Variants in KLF8 observed in about 807,000 individuals in gnomAD.
The protein encoded by KLF8 is KLF transcription factor 8, also known as Krueppel-like factor 8.
A neutral mutation model predicts 18.2 loss-of-function variants in KLF8; 10 were observed. That is an observed-to-expected ratio of 0.55 (90% confidence interval 0.34 to 0.93). The LOEUF (loss-of-function observed/expected upper bound fraction) is 0.93, where lower values mean the gene tolerates loss of function less well. KLF8 is among the 40% of genes least tolerant of loss of function. The pLI is 0.02. For missense variants in KLF8, 264 were observed against 277.9 expected (o/e 0.95, Z 0.36); for synonymous variants, 109 against 97.3 (o/e 1.12, Z -0.71).
chrX:56,034,234 G>A, the KLF8 span, among the ~76,000 whole-genome samples: 5 of 111,977 alleles, frequency 4.5e-5, no homozygotes, highest in Non-Finnish European at 9.4e-5. Context: ...TCGGCATATG[G>A]ATATTCAGTT....
At chrX:56,185,183 G>A in the KLF8 span, among the ~76,000 whole-genome samples, 5 of 112,269 alleles carry the variant, frequency 4.5e-5, no homozygotes, top group African/African-American at 1.3e-4. Flanking sequence ...GGTTAAAGCA[G>A]CGGATGGAGC....
chrX:55,989,232 A>G, the KLF8 span, among the ~76,000 whole-genome samples: 1 of 111,839 alleles, frequency 8.9e-6, no homozygotes, highest in Admixed American at 9.5e-5. Context: ...AGAACTTCCA[A>G]CACTGTGTTG....
chrX:56,191,192 T>C, the KLF8 span, among the ~76,000 whole-genome samples: 3 of 111,556 alleles, frequency 2.7e-5, no homozygotes, highest in African/African-American at 9.8e-5. Flanking sequence ...TATATGCCAA[T>C]AAATTAGAAA....
chrX:55,908,275 A>C, the KLF8 span: 1 of 268,530 alleles, frequency 3.7e-6, no homozygotes, highest in Non-Finnish European at 6.6e-6. Context: ...CAGCTTCATA[A>C]ATCCAGCAGA....
intron 2 of KLF8, among the ~76,000 whole-genome samples, chrX:56,256,922 C>T (rs1357184163): frequency 1.8e-5 from 2 of 111,722 alleles, no homozygotes; most frequent in African/African-American, 3.3e-5. Flanking sequence ...AGGCTGGTCT[C>T]GAACTCCCAA....
the KLF8 span, among the ~76,000 whole-genome samples, chrX:56,114,013 G>A: frequency 8.9e-6 from 1 of 111,869 alleles, no homozygotes; most frequent in Non-Finnish European, 1.9e-5. Context: ...TACCCCCAGG[G>A]GCTCTGTCCC....
At chrX:56,137,293 G>C in the KLF8 span, among the ~76,000 whole-genome samples, 1 of 108,830 alleles carries the variant, frequency 9.2e-6, no homozygotes, top group East Asian at 2.9e-4. Flanking sequence ...CTGCTATAAA[G>C]ACACATGCAC....
At chrX:56,194,884 C>T in the KLF8 span, among the ~76,000 whole-genome samples, 2 of 112,361 alleles carry the variant, frequency 1.8e-5, no homozygotes, top group African/African-American at 6.5e-5. Context: ...GCAATATTTG[C>T]TGTTCTGCAA....
chrX:56,058,054 C>T, the KLF8 span, among the ~76,000 whole-genome samples: 2 of 101,998 alleles, frequency 2.0e-5, no homozygotes, highest in African/African-American at 3.6e-5. Flanking sequence ...CCGCTTCCTC[C>T]GTCTTGCTAG....
the KLF8 span, among the ~76,000 whole-genome samples, chrX:56,177,898 G>A: frequency 1.8e-5 from 2 of 111,739 alleles, no homozygotes; most frequent in African/African-American, 3.3e-5. Context: ...GTCCCTCCAA[G>A]CCAGGTGCCA....
chrX:56,039,386 A>G, the KLF8 span, among the ~76,000 whole-genome samples: 1 of 111,403 alleles, frequency 9.0e-6, no homozygotes, highest in African/African-American at 3.3e-5. Context: ...TAATTTTTGT[A>G]TATGGTGTAA....
At chrX:56,016,259 A>G in the KLF8 span, among the ~76,000 whole-genome samples, 1 of 112,312 alleles carries the variant, frequency 8.9e-6, no homozygotes, top group Admixed American at 9.5e-5. Context: ...TATGTGAAGT[A>G]TATAATATAG....
chrX:56,033,995 C>T, the KLF8 span, among the ~76,000 whole-genome samples: 3 of 112,139 alleles, frequency 2.7e-5, no homozygotes, highest in Admixed American at 9.4e-5. Context: ...GTTTCCTTTG[C>T]GTTACAAAAT....
At chrX:56,105,338 T>G in the KLF8 span, among the ~76,000 whole-genome samples, 1 of 111,426 alleles carries the variant, frequency 9.0e-6, no homozygotes, top group Non-Finnish European at 1.9e-5. Context: ...ATTATTATTG[T>G]GTGGAAGTCT....
chrX:56,182,021 G>T, the KLF8 span, among the ~76,000 whole-genome samples: 1 of 111,764 alleles, frequency 8.9e-6, no homozygotes, highest in Non-Finnish European at 1.9e-5. Context: ...TTGCTAGGTT[G>T]AGGAAGTTCT....
chrX:55,927,654 T>G, the KLF8 span, among the ~76,000 whole-genome samples: 1 of 112,557 alleles, frequency 8.9e-6, no homozygotes, highest in Admixed American at 9.4e-5. Context: ...CATATTTCCT[T>G]TCTAAAAGAT....
At chrX:56,197,832 A>C in the KLF8 span, among the ~76,000 whole-genome samples, 65 of 112,099 alleles carry the variant, frequency 5.8e-4, 2 homozygotes, top group South Asian at 0.022. Context: ...CGATGCAAAA[A>C]TCCTCAATAA....
chrX:56,020,405 A>T, the KLF8 span, among the ~76,000 whole-genome samples: 5 of 112,336 alleles, frequency 4.5e-5, no homozygotes, highest in Admixed American at 1.9e-4. Flanking sequence ...TGATAAGTCC[A>T]TGTGAAACAG....
chrX:56,103,298 G>A, the KLF8 span, among the ~76,000 whole-genome samples: 74 of 110,960 alleles, frequency 6.7e-4, no homozygotes, highest in African/African-American at 2.2e-3. Context: ...AAATTACCTT[G>A]GGCAGTATGG....
Sources: allele counts gnomAD v4.1 joint callset (sites outside exome capture counted in the v4.1 genomes callset), GRCh38; gene constraint gnomAD v4.1.1; transcripts MANE v1.5; gene names NCBI Gene and HGNC (gene_info 2026-07-23, HGNC 2026-07-21).